Variants in CDH23 observed in about 807,000 individuals in gnomAD.
CDH23 encodes the protein cadherin-23.
CDH23 carries 189 observed loss-of-function variants against 317.1 expected under a neutral mutation model. That is an observed-to-expected ratio of 0.60 (90% CI 0.53 to 0.67). The LOEUF (loss-of-function observed/expected upper bound fraction) is 0.67, where lower values mean the gene tolerates loss of function less well. Ranked by LOEUF, CDH23 falls within the 30% of genes least tolerant of loss-of-function variation. The probability of loss-of-function intolerance (pLI) is 0.00; values close to 1 mark genes in which losing one functional copy is unlikely to be tolerated. For synonymous variants in CDH23, 1,839 were observed against 1,876.8 expected (o/e 0.98, Z 0.52); for missense variants, 4,401 against 4,592.4 (o/e 0.96, Z 1.20).
chr10:71,792,244 A>T (rs1312302803), intron 47 of CDH23, among the ~76,000 whole-genome samples: 3 of 152,182 alleles, frequency 2.0e-5, no homozygotes, highest in Non-Finnish European at 4.4e-5. Flanking sequence ...TCCAATTATT[A>T]TAATCTGTAT....
At chr10:71,752,201 G>A (rs952312985) in intron 38 of CDH23, 19 of 436,654 alleles carry the variant, frequency 4.4e-5, no homozygotes, top group South Asian at 3.3e-4. Context: ...GTTTCTCTTT[G>A]GTCAATAGAG....
chr10:71,783,538 T>C (rs770864261), intron 41 of CDH23, among the ~76,000 whole-genome samples: 1 of 152,220 alleles, frequency 6.6e-6, no homozygotes, highest in Non-Finnish European at 1.5e-5. Flanking sequence ...CTGGGCTGCC[T>C]TCCAGGTCAG....
intron 3 of CDH23, among the ~76,000 whole-genome samples, chr10:71,480,708 A>G (rs970971600): frequency 3.3e-5 from 5 of 152,202 alleles, no homozygotes; most frequent in Non-Finnish European, 7.3e-5. Context: ...AGATGGGGTC[A>G]GGATACTGAG....
intron 20 of CDH23, among the ~76,000 whole-genome samples, chr10:71,693,900 A>G (rs1865276078): frequency 6.6e-6 from 1 of 151,888 alleles, no homozygotes; most frequent in Admixed American, 6.6e-5. Flanking sequence ...ACATCTGCAA[A>G]TATTTCCTCC....
intron 6 of CDH23, among the ~76,000 whole-genome samples, chr10:71,528,914 A>G (rs1190770657): frequency 2.6e-5 from 4 of 152,202 alleles, no homozygotes; most frequent in Non-Finnish European, 4.4e-5. Context: ...AAACCAGCAG[A>G]ACAGGTTGTT....
intron 3 of CDH23, among the ~76,000 whole-genome samples, chr10:71,466,868 C>T (rs1406687661): frequency 1.3e-5 from 2 of 151,546 alleles, no homozygotes; most frequent in African/African-American, 4.9e-5. Flanking sequence ...GACAAGACAG[C>T]ATGAGGGGTG....
rs34690494 is a variant in CDH23 at position 71,500,018 on chromosome 10, CAA to C, written c.146-10045_146-10044del. ...TGGGTGACAGAGCGAGACTCCATCT[CAA>C]AAAAAAAAAAAAAAAAAAGGATAGT... On this transcript the variant is annotated intron_variant, in intron 3 of 69. Coordinates refer to ENST00000224721, the MANE Select transcript of CDH23 (RefSeq NM_022124.6). 3.4e-3 allele frequency among the ~76,000 whole-genome samples: 318 copies of C among 94,826 alleles called. 1 individual carries two copies. Among genetic ancestry groups the C allele is most frequent in the Middle Eastern group, 0.014 (2 of 138 alleles). The allele number at this position is 94,826 out of a possible 152,430, so 62.2% of individuals were successfully genotyped here.
rs140667217 is a variant in CDH23, at chr10:71,813,769, C to T, written c.9738+421C>T. On this transcript the variant is annotated intron_variant, in intron 69 of 69. Transcript: ENST00000224721. ...TAAAAATACAAAAAATTAGCCGGGC[C>T]TGGTGGCGGACGCCTATAATCCCAG... Among the ~76,000 whole-genome samples the T allele has an allele frequency of 6.8e-4, 103 of 152,140 alleles. 1 individual carries two copies. In the East Asian group the frequency reaches 0.018, roughly 26 times the overall value.
intron 32 of CDH23, chr10:71,732,653 G>T: frequency 7.2e-7 from 1 of 1,384,252 alleles, no homozygotes; most frequent in Non-Finnish European, 9.3e-7. Context: ...ACAAAAAAAA[G>T]TCCCCGAGAT....
intron 38 of CDH23, among the ~76,000 whole-genome samples, chr10:71,759,257 C>T (rs1351842644): frequency 6.6e-6 from 1 of 151,662 alleles, no homozygotes; most frequent in Admixed American, 6.6e-5. Flanking sequence ...AGGCTGGTCT[C>T]GAACTCCTGG....
At chr10:71,767,913 C>T (rs1349235471) in intron 38 of CDH23, among the ~76,000 whole-genome samples, 2 of 152,196 alleles carry the variant, frequency 1.3e-5, no homozygotes, top group African/African-American at 4.8e-5. Flanking sequence ...GCTAGCATGC[C>T]TCCCCAGGGA....
In CDH23 at chr10:71,635,790, A is replaced by G. The variant is rs140753331; in HGVS notation, c.1135-8071A>G. The stretch of plus-strand genomic sequence containing the variant: ...TAGTCTGCACAGGCTGCTGTAACAA[A>G]CTACCATTGACGGTTGGCTTGTAAA... On this transcript the variant is annotated intron_variant, in intron 11 of 69. Coordinates refer to ENST00000224721, the MANE Select transcript of CDH23 (RefSeq NM_022124.6). Among the ~76,000 whole-genome samples, 1,246 of 152,194 alleles carry G rather than the reference A, an allele frequency of 8.2e-3. 23 individuals carry two copies. Among genetic ancestry groups the G allele is most frequent in the African/African-American group, 0.029 (1,194 of 41,498 alleles).
intron 11 of CDH23, among the ~76,000 whole-genome samples, chr10:71,621,997 C>T (rs1861485952): frequency 6.6e-6 from 1 of 152,040 alleles, no homozygotes; most frequent in African/African-American, 2.4e-5. Context: ...ATGCAAATAG[C>T]TGGTTGTGAT....
intron 41 of CDH23, among the ~76,000 whole-genome samples, chr10:71,782,301 G>A (rs192467922): frequency 5.0e-4 from 76 of 152,278 alleles, no homozygotes; most frequent in African/African-American, 7.2e-4. Context: ...AAAGCTCCCC[G>A]TTCCTTCAGA....
intron 14 of CDH23, among the ~76,000 whole-genome samples, chr10:71,665,516 C>T (rs1465644782): frequency 6.6e-6 from 1 of 152,208 alleles, no homozygotes; most frequent in Non-Finnish European, 1.5e-5. Context: ...GGAAGAGTGA[C>T]TTAGCAGAGG....
At chr10:71,509,695 C>T (rs567129619) in intron 3 of CDH23, among the ~76,000 whole-genome samples, 7 of 152,298 alleles carry the variant, frequency 4.6e-5, no homozygotes, top group South Asian at 2.1e-4. Flanking sequence ...GATTGGCTAG[C>T]GCTGACTTAT....
intron 6 of CDH23, among the ~76,000 whole-genome samples, chr10:71,541,212 C>T (rs773916461): frequency 5.3e-4 from 80 of 152,268 alleles, no homozygotes; most frequent in South Asian, 2.3e-3. Context: ...AGCCGCTGGC[C>T]GCCTCTTGGT....
At chr10:71,543,760 G>A (rs1395343301) in intron 6 of CDH23, among the ~76,000 whole-genome samples, 1 of 152,214 alleles carries the variant, frequency 6.6e-6, no homozygotes, top group Admixed American at 6.5e-5. Context: ...GAACCTCCCA[G>A]CACCCTCTTA....
At chr10:71,755,827 C>T (rs1316176103) in intron 38 of CDH23, among the ~76,000 whole-genome samples, 1 of 152,068 alleles carries the variant, frequency 6.6e-6, no homozygotes, top group Non-Finnish European at 1.5e-5. Flanking sequence ...CTTCGCAGAC[C>T]CCATGCCACA....
Sources: gnomAD v4.1 joint callset for allele counts (sites outside exome capture counted in the v4.1 genomes callset) on GRCh38, gnomAD v4.1.1 for gene constraint, MANE v1.5 for transcripts, NCBI Gene and HGNC (gene_info 2026-07-23, HGNC 2026-07-21) for gene names.